Variants in ARHGEF7 observed in about 807,000 individuals in gnomAD.
ARHGEF7 encodes the protein PAK-interacting exchange factor beta.
Under a neutral mutation model 109.8 loss-of-function variants are expected in ARHGEF7, and 33 were observed. That is an observed-to-expected ratio of 0.30 (90% CI 0.23 to 0.40). The LOEUF (loss-of-function observed/expected upper bound fraction) is 0.40. ARHGEF7 is among the 10% of genes least tolerant of loss of function. ARHGEF7 has a pLI of 1.00. For synonymous variants in ARHGEF7, 458 were observed against 424.6 expected (o/e 1.08, Z -0.97); for missense variants, 938 against 1,098.5 (o/e 0.85, Z 2.07).
chr13:111,184,132 C>A (rs184293382), intron 2 of ARHGEF7, among the ~76,000 whole-genome samples: 1 of 152,138 alleles, frequency 6.6e-6, no homozygotes, highest in Non-Finnish European at 1.5e-5. Flanking sequence ...TTAGTTCTCA[C>A]GAGATCTGAT....
chr13:111,134,846 T>G (rs1220045178), intron 1 of ARHGEF7, among the ~76,000 whole-genome samples: 4 of 149,704 alleles, frequency 2.7e-5, no homozygotes, highest in African/African-American at 9.9e-5. Flanking sequence ...GCTTTTGGTG[T>G]TTTAGTCATG....
At chr13:111,278,579 G>A (rs998099239) in intron 13 of ARHGEF7, among the ~76,000 whole-genome samples, 2 of 152,182 alleles carry the variant, frequency 1.3e-5, no homozygotes, top group East Asian at 1.9e-4. Flanking sequence ...TTTAGAATTG[G>A]TGAATCACAT....
intron 1 of ARHGEF7, among the ~76,000 whole-genome samples, chr13:111,143,244 G>A (rs1026681274): frequency 2.0e-5 from 3 of 152,190 alleles, no homozygotes; most frequent in Non-Finnish European, 4.4e-5. Flanking sequence ...CAGCATCCCG[G>A]CAGAGAACAG....
chr13:111,280,181 C>A, intron 13 of ARHGEF7, 91 bp from the exon 14 acceptor site: 1 of 1,331,424 alleles, frequency 7.5e-7, no homozygotes, highest in Non-Finnish European at 1.0e-6. Context: ...TCCACCAATT[C>A]TAAAATCATT....
At chr13:111,125,343 C>G (rs1264049255) in intron 1 of ARHGEF7, among the ~76,000 whole-genome samples, 1 of 146,518 alleles carries the variant, frequency 6.8e-6, no homozygotes, top group African/African-American at 2.5e-5. Context: ...TTTCTTGTTG[C>G]TTGGTATTTT....
At chr13:111,185,619 G>T (rs1402398916) in intron 2 of ARHGEF7, among the ~76,000 whole-genome samples, 1 of 152,252 alleles carries the variant, frequency 6.6e-6, no homozygotes. Flanking sequence ...GCCCAAGCCA[G>T]TGTGTTGCAT....
Position 111,303,250 on chromosome 13 carries a change from T to C in ARHGEF7, c.*137T>C, listed in dbSNP as rs550372215. ...CCTTGCTCTCTGTATATAGAAAAGC[T>C]GGAGCTTATTCTGCGAATGGAGACG... On this transcript the variant is annotated 3_prime_UTR_variant, in exon 22 of 22. Transcript: ENST00000646102. 2 of 815,398 alleles carry C rather than the reference T, an allele frequency of 2.5e-6. No individual in the cohort carries two copies. The highest frequency in any genetic ancestry group is 2.1e-5 in the South Asian group (1 of 47,432). The allele number at this position is 815,398 out of a possible 1,614,324, so 50.5% of individuals were successfully genotyped here. A position where few individuals can be genotyped will look rare whatever the true frequency, so the allele number is the denominator to read the frequency against.
At chr13:111,301,385 C>G in intron 20 of ARHGEF7, 93 bp from the exon 21 acceptor site, 1 of 1,053,398 alleles carries the variant, frequency 9.5e-7, no homozygotes, top group Non-Finnish European at 1.5e-6. Context: ...TCCGTGTCCT[C>G]CTCTCAGCAT....
At chr13:111,200,760 A>C (rs779615591) in intron 2 of ARHGEF7, among the ~76,000 whole-genome samples, 7 of 152,200 alleles carry the variant, frequency 4.6e-5, no homozygotes, top group Non-Finnish European at 1.0e-4. Context: ...GGTGTTCCCA[A>C]GTACACTTTG....
intron 6 of ARHGEF7, among the ~76,000 whole-genome samples, chr13:111,234,813 C>T (rs886260856): frequency 1.3e-5 from 2 of 152,076 alleles, no homozygotes; most frequent in Non-Finnish European, 2.9e-5. Flanking sequence ...GATCAGACTC[C>T]TTTTAGCGCG....
intron 2 of ARHGEF7, among the ~76,000 whole-genome samples, chr13:111,201,214 C>A (rs187340794): frequency 6.6e-6 from 1 of 152,160 alleles, no homozygotes; most frequent in African/African-American, 2.4e-5. Context: ...AGTTTCTCTG[C>A]GTCTCACTAT....
At chr13:111,122,321 C>T (rs1298166347) in intron 1 of ARHGEF7, among the ~76,000 whole-genome samples, 2 of 152,228 alleles carry the variant, frequency 1.3e-5, no homozygotes, top group African/African-American at 4.8e-5. Flanking sequence ...TGAGGGCCAG[C>T]CTGCCCCACC....
intron 9 of ARHGEF7, among the ~76,000 whole-genome samples, chr13:111,269,846 C>T (rs1410262490): frequency 6.6e-6 from 1 of 152,212 alleles, no homozygotes; most frequent in Non-Finnish European, 1.5e-5. Context: ...TTCCCTGTGC[C>T]AAGGCTCCTT....
chr13:111,302,680 G>C (rs983003060), intron 21 of ARHGEF7, among the ~76,000 whole-genome samples: 1 of 152,192 alleles, frequency 6.6e-6, no homozygotes, highest in African/African-American at 2.4e-5. Flanking sequence ...CAAAAAGGCT[G>C]GATAGGAGCT....
intron 2 of ARHGEF7, among the ~76,000 whole-genome samples, chr13:111,203,722 A>G (rs983392697): frequency 1.3e-5 from 2 of 152,052 alleles, no homozygotes; most frequent in African/African-American, 2.4e-5. Context: ...TTCTTTATTT[A>G]TGTTTAAACA....
chr13:111,115,860 C>T (rs1392035431), intron 1 of ARHGEF7, among the ~76,000 whole-genome samples, 169 bp downstream of exon 1: 8 of 147,184 alleles, frequency 5.4e-5, no homozygotes, highest in Admixed American at 4.7e-4. Flanking sequence ...GCTCGGGGGG[C>T]GCCATTGTGT....
intron 1 of ARHGEF7, chr13:111,122,660 T>C (rs1480933274): frequency 2.0e-5 from 3 of 152,242 alleles, no homozygotes; most frequent in Non-Finnish European, 4.4e-5. Flanking sequence ...CAGGTTCCTA[T>C]TGTGTGCGTG....
intron 6 of ARHGEF7, among the ~76,000 whole-genome samples, chr13:111,238,257 C>A (rs1006535717): frequency 1.5e-4 from 23 of 152,104 alleles, no homozygotes; most frequent in Non-Finnish European, 1.5e-4. Flanking sequence ...GTTGAATCGT[C>A]CATGCTGCTT....
rs1190426818 is a variant in ARHGEF7, at chr13:111,221,331, CTATATATATCTATATATATGTCTA to C, written c.670+3471_670+3494del. Among the ~76,000 whole-genome samples, 6 of 7,310 alleles carry C rather than the reference CTATATATATCTATATATATGTCTA, an allele frequency of 8.2e-4. 2 individuals carry two copies. In the Admixed American group the frequency reaches 0.013, roughly 15 times the overall value. The allele number at this position is 7,310 out of a possible 152,430, so 4.8% of individuals were successfully genotyped here. On this transcript the variant is annotated intron_variant, in intron 5 of 21. Coordinates refer to ENST00000646102, the MANE Select transcript of ARHGEF7 (RefSeq NM_001354046.2). ...TATATCTATATATAGATATATATGTCTATATATATCTATATATATGTCTATATATATATCTATATATATATCTAT... is the reference window on the plus strand; with the variant it reads ...TATATCTATATATAGATATATATGTCTATATATATCTATATATATATCTAT...
Sources: gnomAD v4.1 joint callset for allele counts (sites outside exome capture counted in the v4.1 genomes callset) on GRCh38, gnomAD v4.1.1 for gene constraint, MANE v1.5 for transcripts, NCBI Gene and HGNC (gene_info 2026-07-23, HGNC 2026-07-21) for gene names.